Variants in AJAP1 observed in about 807,000 individuals in gnomAD.
AJAP1 encodes the protein adherens junctions associated protein 1, also known as adherens junction-associated protein 1.
AJAP1 carries 5 observed loss-of-function variants against 35.0 expected under a neutral mutation model. The observed-to-expected ratio is 0.14, with a 90% CI of 0.07 to 0.30. The LOEUF (loss-of-function observed/expected upper bound fraction) is 0.30, where lower values mean the gene tolerates loss of function less well. Ranked by LOEUF, AJAP1 falls within the 10% of genes least tolerant of loss-of-function variation. The pLI, the probability that AJAP1 is intolerant of heterozygous loss-of-function variation, is 1.00. For synonymous variants in AJAP1, 284 were observed against 249.3 expected (o/e 1.14, Z -1.31); for missense variants, 586 against 571.0 (o/e 1.03, Z -0.27).
At chr1:4,728,599 G>A (rs1172790458) in intron 2 of AJAP1, among the ~76,000 whole-genome samples, 2 of 152,224 alleles carry the variant, frequency 1.3e-5, no homozygotes, top group Admixed American at 6.5e-5. Context: ...GTGTCCGTGG[G>A]AGCAGCTCCT....
At chr1:4,697,394 G>A (rs912823646) in intron 1 of AJAP1, among the ~76,000 whole-genome samples, 1 of 152,242 alleles carries the variant, frequency 6.6e-6, no homozygotes, top group African/African-American at 2.4e-5. Context: ...AGAGGCCCTG[G>A]CCAGCATTTT....
chr1:4,768,992 A>C (rs1641763016), intron 2 of AJAP1, among the ~76,000 whole-genome samples: 1 of 152,008 alleles, frequency 6.6e-6, no homozygotes, highest in Non-Finnish European at 1.5e-5. Flanking sequence ...GAGGTGGGGG[A>C]CGGGAAAGAA....
intron 2 of AJAP1, among the ~76,000 whole-genome samples, chr1:4,758,204 A>T (rs1404740812): frequency 6.6e-6 from 1 of 152,118 alleles, no homozygotes; most frequent in Non-Finnish European, 1.5e-5. Flanking sequence ...TTATGTCTTT[A>T]TCAGTGATGT....
In AJAP1 at chr1:4,692,113, G is replaced by A. The variant is rs189592535; in HGVS notation, c.30-19787G>A. 1.1e-4 allele frequency among the ~76,000 whole-genome samples: 17 copies of A among 152,236 alleles called. No homozygotes were observed. In the East Asian group the frequency reaches 1.4e-3, roughly 12 times the overall value. ...TGGCATGGCGCCCGGCCGGCCCTGC[G>A]TGGATCTATTATCTCTGCATCGTTG... On this transcript the variant is annotated intron_variant, in intron 1 of 5. Coordinates refer to ENST00000378191, the MANE Select transcript of AJAP1 (RefSeq NM_018836.4). This position sits in a 1 kb window ranked among gnomAD's most constrained non-coding sequence, Gnocchi z 4.4.
At chr1:4,741,429 T>C (rs1261296531) in intron 2 of AJAP1, among the ~76,000 whole-genome samples, 1 of 152,094 alleles carries the variant, frequency 6.6e-6, no homozygotes, top group Non-Finnish European at 1.5e-5. Context: ...CTCTAATCTC[T>C]GCCTCTCTTT....
At chr1:4,690,347 C>A (rs1360858773) in intron 1 of AJAP1, among the ~76,000 whole-genome samples, 2 of 152,180 alleles carry the variant, frequency 1.3e-5, no homozygotes, top group Non-Finnish European at 2.9e-5. Flanking sequence ...TCCAGCCCTT[C>A]CCCACTTTCA....
intron 1 of AJAP1, among the ~76,000 whole-genome samples, chr1:4,704,547 G>A (rs1179667550): frequency 6.6e-6 from 1 of 151,994 alleles, no homozygotes; most frequent in African/African-American, 2.4e-5. Flanking sequence ...TTCTTAATCT[G>A]GTCTATCATT....
At chr1:4,701,151 A>G (rs1324241601) in intron 1 of AJAP1, among the ~76,000 whole-genome samples, 3 of 152,134 alleles carry the variant, frequency 2.0e-5, no homozygotes, top group African/African-American at 7.2e-5. Context: ...CCGTGCCCCA[A>G]AGTTGCTGCA....
rs529637105 is a variant in AJAP1, at chr1:4,733,616, A to G, written c.829+20917A>G. Among the ~76,000 whole-genome samples the G allele has an allele frequency of 2.0e-5, 3 of 151,452 alleles. No individual in the cohort carries two copies. The South Asian group carries it at 6.4e-4, about 32-fold the overall frequency. On this transcript the variant is annotated intron_variant, in intron 2 of 5. Transcript: ENST00000378191. ...CAGAGGCCCGCCCTCCTTGTTCTGG[A>G]AGAATGGGATGTGGAACACAGATCC...
intron 2 of AJAP1, among the ~76,000 whole-genome samples, chr1:4,747,378 T>C (rs1431925086): frequency 6.6e-6 from 1 of 152,194 alleles, no homozygotes; most frequent in African/African-American, 2.4e-5. Context: ...GGGGCCCTCA[T>C]GTAGCTTCTG....
chr1:4,727,240 C>A (rs965130662), intron 2 of AJAP1, among the ~76,000 whole-genome samples: 10 of 152,190 alleles, frequency 6.6e-5, no homozygotes, highest in Non-Finnish European at 1.5e-4. Context: ...CCAGGAGGAG[C>A]CTCACAGCCT....
rs1640573688 is a variant in AJAP1, at chr1:4,723,528, C to G, written c.829+10829C>G. Among the ~76,000 whole-genome samples the G allele has an allele frequency of 6.6e-6, 1 of 152,042 alleles. No individual in the cohort carries two copies. Among genetic ancestry groups the G allele is most frequent in the Admixed American group, 6.6e-5 (1 of 15,264 alleles). ...AGGAGGCTGCAGGAGAAAGCTGTTC[C>G]CAGAGCATGGAGGGGTCCTCGTGGC... On this transcript the variant is annotated intron_variant, in intron 2 of 5. Transcript: ENST00000378191. The surrounding 1 kb of genome is among the most constrained non-coding windows in gnomAD (Gnocchi z 4.3).
intron 1 of AJAP1, among the ~76,000 whole-genome samples, chr1:4,696,131 G>C (rs1639852986): frequency 6.6e-6 from 1 of 152,082 alleles, no homozygotes; most frequent in African/African-American, 2.4e-5. Flanking sequence ...ACCAGAACTT[G>C]AGACGCAGGG....
chr1:4,773,228 C>T (rs1000109732), intron 4 of AJAP1, among the ~76,000 whole-genome samples: 1 of 152,144 alleles, frequency 6.6e-6, no homozygotes, highest in Non-Finnish European at 1.5e-5. Context: ...AGGCTGGGAT[C>T]CATTGTGAGC....
At chr1:4,733,870 A>G (rs1640857665) in intron 2 of AJAP1, among the ~76,000 whole-genome samples, 1 of 152,126 alleles carries the variant, frequency 6.6e-6, no homozygotes, top group African/African-American at 2.4e-5. Flanking sequence ...ATAGAACGCA[A>G]AGAAGATTCT....
intron 2 of AJAP1, among the ~76,000 whole-genome samples, chr1:4,727,999 C>T (rs1640709755): frequency 6.6e-6 from 1 of 152,196 alleles, no homozygotes. Context: ...GGGCCCTGGT[C>T]GCCTCCGTTC....
chr1:4,738,071 G>A (rs1195905855), intron 2 of AJAP1, among the ~76,000 whole-genome samples: 2 of 152,194 alleles, frequency 1.3e-5, no homozygotes, highest in Non-Finnish European at 2.9e-5. Context: ...ATTTTACCTG[G>A]TACTGAGTAC....
chr1:4,724,814 T>C (rs532927947), intron 2 of AJAP1, among the ~76,000 whole-genome samples: 1 of 152,314 alleles, frequency 6.6e-6, no homozygotes, highest in East Asian at 1.9e-4. Context: ...CTGAAAGCCA[T>C]GCAGATCTTG....
intron 1 of AJAP1, among the ~76,000 whole-genome samples, chr1:4,665,817 C>T (rs547194529): frequency 6.6e-6 from 1 of 152,336 alleles, no homozygotes; most frequent in African/African-American, 2.4e-5. Context: ...TCTCCTGGTC[C>T]TACAGGAACT....
Sources: allele counts gnomAD v4.1 joint callset (sites outside exome capture counted in the v4.1 genomes callset), GRCh38; gene constraint gnomAD v4.1.1; non-coding constraint Gnocchi (gnomAD v3.1); transcripts MANE v1.5; gene names NCBI Gene and HGNC (gene_info 2026-07-23, HGNC 2026-07-21).